BDH1: variants seen among roughly 807,000 people sequenced by gnomAD.
The protein encoded by BDH1 is 3-hydroxybutyrate dehydrogenase 1.
BDH1 carries 30 observed loss-of-function variants against 33.1 expected under a neutral mutation model. The ratio of observed to expected loss-of-function variants is 0.91; its 90% CI spans 0.68 to 1.23. The LOEUF (loss-of-function observed/expected upper bound fraction) is 1.23. Ranked by LOEUF, BDH1 falls within the 50% of genes most tolerant of loss-of-function variation. The pLI is 0.00. For synonymous variants in BDH1, 190 were observed against 183.6 expected (o/e 1.03, Z -0.28); for missense variants, 443 against 464.4 (o/e 0.95, Z 0.42).
chr3:197,522,576 G>A lies in BDH1; in HGVS notation c.409+64C>T. The A allele has an allele frequency of 1.9e-6, 3 of 1,596,576 alleles. No homozygotes were observed. Among genetic ancestry groups the A allele is most frequent in the Non-Finnish European group, 2.6e-6 (3 of 1,170,894 alleles). On this transcript the variant is annotated intron_variant, in intron 6 of 7. Coordinates refer to ENST00000392379, the MANE Select transcript of BDH1 (RefSeq NM_203314.3). The surrounding 1 kb of genome is among the most constrained non-coding windows in gnomAD (Gnocchi z 4.8). ...AGGATGCCAGCCAGTGGAAGGTGGT[G>A]TTCGGCAAGTGCCCCTTGGAATGGC... is the stretch of plus-strand genomic sequence containing the variant.
At chr3:197,568,081 C>A (rs909228227) in intron 1 of BDH1, among the ~76,000 whole-genome samples, 1 of 152,146 alleles carries the variant, frequency 6.6e-6, no homozygotes, top group African/African-American at 2.4e-5. Flanking sequence ...GTCTTCTCTG[C>A]CCTCAGTATT....
chr3:197,526,331 A>G lies in BDH1; in HGVS notation c.268-3550T>C, dbSNP rs1201907575. Among the ~76,000 whole-genome samples the G allele has an allele frequency of 6.6e-6, 1 of 152,032 alleles. No homozygotes were observed. The highest frequency in any genetic ancestry group is 2.4e-5 in the African/African-American group (1 of 41,374). On this transcript the variant is annotated intron_variant, in intron 5 of 7. Transcript: ENST00000392379. The surrounding 1 kb of genome is among the most constrained non-coding windows in gnomAD (Gnocchi z 4.7). The stretch of plus-strand genomic sequence containing the variant: ...TGTTTTCTAGCTCCTCTCCCCTCCT[A>G]TTCTTAACTTCTGACCCTTCCAAGG...
At chr3:197,545,716 T>C (rs1716020840) in intron 3 of BDH1, among the ~76,000 whole-genome samples, 1 of 152,380 alleles carries the variant, frequency 6.6e-6, no homozygotes, top group East Asian at 1.9e-4. Flanking sequence ...ATTTTGATCA[T>C]TGCAGTATGG....
At chr3:197,572,957 A>G (rs1321465744) in intron 1 of BDH1, among the ~76,000 whole-genome samples, 1 of 152,120 alleles carries the variant, frequency 6.6e-6, no homozygotes, top group East Asian at 1.9e-4. Flanking sequence ...ATTACTTTTT[A>G]TTTATCCCTA....
chr3:197,514,477 C>T lies in BDH1; in HGVS notation c.410-61G>A. The T allele has an allele frequency of 2.7e-6, 4 of 1,485,444 alleles. No homozygotes were observed. Among genetic ancestry groups the T allele is most frequent in the Non-Finnish European group, 3.6e-6 (4 of 1,108,940 alleles). 92.0% of individuals were successfully genotyped at this position (1,485,444 alleles called of 1,614,324 possible). ...TGGGCTTGGCCCAGACATTGCCCAT[C>T]AGCCTGCAGGCCAGCCTCCTCTCTG... On this transcript the variant is annotated intron_variant, in intron 6 of 7. Transcript: ENST00000392379. The surrounding 1 kb of genome is among the most constrained non-coding windows in gnomAD (Gnocchi z 4.2).
At position 197,513,886 on chromosome 3, in the gene BDH1, C is replaced by T. The variant is rs140022825; in HGVS notation, c.562+378G>A. Among the ~76,000 whole-genome samples, 297 of 152,260 alleles carry T rather than the reference C, an allele frequency of 2.0e-3. 1 individual carries two copies. The highest frequency in any genetic ancestry group is 3.6e-3 in the Non-Finnish European group (244 of 68,030). ...CACAATGATCTCATTTTTTAAACTA[C>T]GATATAAATAACCCATAGAATGAAT... On this transcript the variant is annotated intron_variant, in intron 7 of 7. Coordinates refer to ENST00000392379, the MANE Select transcript of BDH1 (RefSeq NM_203314.3).
chr3:197,569,969 A>G (rs2108778365), intron 1 of BDH1, among the ~76,000 whole-genome samples: 1 of 152,360 alleles, frequency 6.6e-6, no homozygotes, highest in South Asian at 2.1e-4. Flanking sequence ...GAAAAATGTG[A>G]AAAAGTTTGG....
chr3:197,537,533 T>C (rs1715260380), intron 3 of BDH1, among the ~76,000 whole-genome samples: 1 of 152,230 alleles, frequency 6.6e-6, no homozygotes, highest in Non-Finnish European at 1.5e-5. Flanking sequence ...CTTATTGCAC[T>C]GGCTAGAAAT....
intron 2 of BDH1, among the ~76,000 whole-genome samples, chr3:197,548,925 G>T (rs1317233830): frequency 6.6e-6 from 1 of 152,132 alleles, no homozygotes; most frequent in East Asian, 1.9e-4. Flanking sequence ...TGTTCTCAAT[G>T]TAGTCTGTTG....
Position 197,511,734 on chromosome 3 carries a change from A to G in BDH1, c.*161T>C, listed in dbSNP as rs891773702. The G allele has an allele frequency of 7.3e-6, 5 of 689,082 alleles. No individual in the cohort carries two copies. Among genetic ancestry groups the G allele is most frequent in the South Asian group, 2.3e-5 (1 of 43,526 alleles). 42.7% of individuals were successfully genotyped at this position (689,082 alleles called of 1,614,324 possible). A position where few individuals can be genotyped will look rare whatever the true frequency, so the allele number is the denominator to read the frequency against. On this transcript the variant is annotated 3_prime_UTR_variant, in exon 8 of 8. Transcript: ENST00000392379. Reference sequence around the variant, plus strand: ...TTTGTGAAGGCCCAAGTCACTCACTATGCAAAGAAGTCATTCCCTCTAGTT... The same window carrying G: ...TTTGTGAAGGCCCAAGTCACTCACTGTGCAAAGAAGTCATTCCCTCTAGTT...
chr3:197,511,690 C>G lies in BDH1; in HGVS notation c.*205G>C, dbSNP rs544447748. On this transcript the variant is annotated 3_prime_UTR_variant, in exon 8 of 8. Transcript: ENST00000392379. ...TTGCCCTGAGATTTAGAGGCCTCTG[C>G]CTGCCACTCCACACCCTGTTTGTGA... The G allele has an allele frequency of 6.0e-6, 3 of 496,536 alleles. No homozygotes were observed. The East Asian group carries it at 9.5e-5, about 16-fold the overall frequency. The allele number at this position is 496,536 out of a possible 1,614,324, so 30.8% of individuals were successfully genotyped here.
rs141772240 is a variant in BDH1 at position 197,529,954 on chromosome 3, T to C, written c.267+2458A>G. Reference sequence around the variant, plus strand: ...CCTTCTTCTATAGCAGTAGAACGCCTGACATTTTAGGCCGGGTACATATTG... The same window carrying C: ...CCTTCTTCTATAGCAGTAGAACGCCCGACATTTTAGGCCGGGTACATATTG... On this transcript the variant is annotated intron_variant, in intron 5 of 7. Coordinates refer to ENST00000392379, the MANE Select transcript of BDH1 (RefSeq NM_203314.3). 1,407 of 152,310 alleles carry C rather than the reference T, an allele frequency of 9.2e-3. 11 individuals carry two copies. The highest frequency in any genetic ancestry group is 0.016 in the Non-Finnish European group (1,119 of 68,022). 9.4% of individuals were successfully genotyped at this position (152,310 alleles called of 1,614,324 possible). A position where few individuals can be genotyped will look rare whatever the true frequency, so the allele number is the denominator to read the frequency against.
At position 197,528,996 on chromosome 3, in the gene BDH1, TACA is replaced by T. The variant is rs1308773215; in HGVS notation, c.267+3413_267+3415del. The T allele has an allele frequency of 6.6e-6, 1 of 152,200 alleles. No individual in the cohort carries two copies. The highest frequency in any genetic ancestry group is 1.5e-5 in the Non-Finnish European group (1 of 68,044). The allele number at this position is 152,200 out of a possible 1,614,324, so 9.4% of individuals were successfully genotyped here. On this transcript the variant is annotated intron_variant, in intron 5 of 7. Transcript: ENST00000392379. The surrounding 1 kb of genome is among the most constrained non-coding windows in gnomAD (Gnocchi z 5.1). ...AAGCCTAACATAGGACAAGGGACTT[TACA>T]ACATTTTTATGGCATCATGGTTCTT...
chr3:197,536,028 T>C (rs1715122186), intron 3 of BDH1, among the ~76,000 whole-genome samples: 1 of 151,680 alleles, frequency 6.6e-6, no homozygotes, highest in Non-Finnish European at 1.5e-5. Context: ...CCTGGGGGAC[T>C]GAGGGAGACC....
Position 197,525,788 on chromosome 3 carries a change from G to C in BDH1, c.268-3007C>G, listed in dbSNP as rs115125663. ...GGCCTGTCCCCCTCAGGGTCTACCT[G>C]TCCTCAGGCCAAGACTGCCCCGCAG... On this transcript the variant is annotated intron_variant, in intron 5 of 7. Coordinates refer to ENST00000392379, the MANE Select transcript of BDH1 (RefSeq NM_203314.3). This position sits in a 1 kb window ranked among gnomAD's most constrained non-coding sequence, Gnocchi z 4.9. Among the ~76,000 whole-genome samples the C allele has an allele frequency of 0.012, 1,852 of 152,292 alleles. 45 individuals are homozygous for C. Among genetic ancestry groups the C allele is most frequent in the African/African-American group, 0.042 (1,744 of 41,546 alleles).
rs781502785 is a variant in BDH1, at chr3:197,522,600, G to T, written c.409+40C>A. On this transcript the variant is annotated intron_variant, in intron 6 of 7. Transcript: ENST00000392379. The surrounding 1 kb of genome is among the most constrained non-coding windows in gnomAD (Gnocchi z 4.8). The stretch of plus-strand genomic sequence containing the variant: ...TGTTCGGCAAGTGCCCCTTGGAATG[G>T]CCCCATACACAACCCCTGCCGTCCG... The T allele has an allele frequency of 1.5e-5, 24 of 1,610,476 alleles. 1 individual carries two copies. The South Asian group carries it at 1.9e-4, about 13-fold the overall frequency.
At chr3:197,569,951 G>T (rs1345911684) in intron 1 of BDH1, among the ~76,000 whole-genome samples, 1 of 143,572 alleles carries the variant, frequency 7.0e-6, no homozygotes, top group South Asian at 2.1e-4. Flanking sequence ...GGGCTCAGAA[G>T]AAGACAGGAA....
At chr3:197,545,050 A>C (rs1294909623) in intron 3 of BDH1, among the ~76,000 whole-genome samples, 1 of 152,214 alleles carries the variant, frequency 6.6e-6, no homozygotes, top group African/African-American at 2.4e-5. Context: ...TGCATGTTCC[A>C]TTAAACATAT....
At chr3:197,532,590 AC>A in intron 4 of BDH1, 68 bp from the exon 5 acceptor site, 1 of 1,157,868 alleles carries the variant, frequency 8.6e-7, no homozygotes, top group Non-Finnish European at 1.3e-6. Flanking sequence ...AGGCCTCTCC[AC>A]CCTCTGTGCA....
Sources: allele counts gnomAD v4.1 joint callset (sites outside exome capture counted in the v4.1 genomes callset), GRCh38; gene constraint gnomAD v4.1.1; non-coding constraint Gnocchi (gnomAD v3.1); transcripts MANE v1.5; gene names NCBI Gene and HGNC (gene_info 2026-07-23, HGNC 2026-07-21).